The following CCNB1IP1 variants were observed in gnomAD, a reference collection of about 807,000 sequenced individuals.
The protein encoded by CCNB1IP1 is cyclin B1 interacting protein 1.
CCNB1IP1 carries 14 observed loss-of-function variants against 25.6 expected under a neutral mutation model. The observed-to-expected ratio is 0.55, with a 90% CI of 0.36 to 0.85. The LOEUF (loss-of-function observed/expected upper bound fraction) is 0.85. Ranked by LOEUF, CCNB1IP1 falls within the 40% of genes least tolerant of loss-of-function variation. The probability of loss-of-function intolerance (pLI) is 0.01; values close to 1 mark genes in which losing one functional copy is unlikely to be tolerated. For synonymous variants in CCNB1IP1, 119 were observed against 116.1 expected, an observed-to-expected ratio of 1.02 and a Z score of -0.16; for missense variants, 278 against 342.4, an observed-to-expected ratio of 0.81 and a Z score of 1.48.
At chr14:20,315,961 GAA>G (rs1882678279) in intron 5 of CCNB1IP1, 1 of 461,428 alleles carries the variant, frequency 2.2e-6, no homozygotes, top group South Asian at 2.3e-5. Flanking sequence ...CTTTTATACA[GAA>G]GAGAGAGAGA....
chr14:20,319,666 A>T (rs1882830478), intron 4 of CCNB1IP1, among the ~76,000 whole-genome samples: 1 of 152,206 alleles, frequency 6.6e-6, no homozygotes, highest in Admixed American at 6.5e-5. Context: ...TCTAATAGAC[A>T]TTGATTGCGG....
At position 20,313,552 on chromosome 14, in the gene CCNB1IP1, G is replaced by A; in HGVS notation, c.547C>T (p.Leu183=). 2.5e-6 allele frequency: 4 copies of A among 1,614,206 alleles called. No individual in the cohort carries two copies. The highest frequency in any genetic ancestry group is 2.5e-6 in the Non-Finnish European group (3 of 1,180,024). ...TGGTTAGCAATAGTGATGTTTCGTA[G>A]CCTAAGGCTATCATAGAGGCCTTGG... ...KLQGLYDSLR[L]RNITIANHEG... Residue 183 remains leucine, a synonymous_variant, in exon 6 of 7, where the codon CTA becomes TTA. Transcript: ENST00000358932.
chr14:20,322,481 T>G (rs1346417901), intron 4 of CCNB1IP1, among the ~76,000 whole-genome samples: 1 of 152,120 alleles, frequency 6.6e-6, no homozygotes, highest in African/African-American at 2.4e-5. Context: ...ATGAAAATAT[T>G]ATTTTATTCT....
intron 1 of CCNB1IP1, among the ~76,000 whole-genome samples, chr14:20,329,621 G>A (rs1263868590): frequency 6.6e-6 from 1 of 152,072 alleles, no homozygotes; most frequent in Non-Finnish European, 1.5e-5. Flanking sequence ...CCGTATCTTG[G>A]CTTTTGTGAA....
At chr14:20,329,993 G>T (rs957340339) in intron 1 of CCNB1IP1, among the ~76,000 whole-genome samples, 9 of 151,838 alleles carry the variant, frequency 5.9e-5, no homozygotes, top group African/African-American at 1.9e-4. Context: ...ACTGTAGCTG[G>T]CATGGAGTTA....
chr14:20,314,645 A>G (rs938636762), intron 5 of CCNB1IP1: 4 of 152,208 alleles, frequency 2.6e-5, no homozygotes, highest in African/African-American at 9.7e-5. Context: ...GCTCTGTGAA[A>G]GACCCTGTAA....
chr14:20,317,088 G>A (rs1882725381), intron 4 of CCNB1IP1, among the ~76,000 whole-genome samples: 1 of 151,724 alleles, frequency 6.6e-6, no homozygotes, highest in Non-Finnish European at 1.5e-5. Context: ...CAGCCTGGGG[G>A]ACAGAGCAAG....
chr14:20,313,543 TGTTTC>T lies in CCNB1IP1; in HGVS notation c.551_555del (p.Arg184HisfsTer5). 6.2e-7 allele frequency: 1 copy of T among 1,614,184 alleles called. No homozygotes were observed. Among genetic ancestry groups the T allele is most frequent in the East Asian group, 2.2e-5 (1 of 44,878 alleles). On this transcript the variant is annotated frameshift_variant, in exon 6 of 7. Coordinates refer to ENST00000358932, the MANE Select transcript of CCNB1IP1 (RefSeq NM_021178.5). LOFTEE classifies it high-confidence loss of function. ...GTGCCTTCATGGTTAGCAATAGTGATGTTTCGTAGCCTAAGGCTATCATAGAGGCC... is the reference window on the plus strand; with the variant it reads ...GTGCCTTCATGGTTAGCAATAGTGATGTAGCCTAAGGCTATCATAGAGGCC...
At chr14:20,316,099 CAATTT>C (rs755627681) in intron 5 of CCNB1IP1, 123 bp downstream of exon 5, 20 of 832,706 alleles carry the variant, frequency 2.4e-5, no homozygotes, top group Non-Finnish European at 3.4e-5. Flanking sequence ...CTTTTGAAAA[CAATTT>C]AATAAAAAGA....
intron 4 of CCNB1IP1, 97 bp downstream of exon 4, chr14:20,325,442 T>A (rs1007110632): frequency 4.4e-5 from 6 of 136,174 alleles, no homozygotes; most frequent in African/African-American, 1.1e-4. Context: ...AAAAGTGAAA[T>A]TTATAGCACC....
At chr14:20,320,975 T>TA (rs1882876287) in intron 4 of CCNB1IP1, among the ~76,000 whole-genome samples, 1 of 149,268 alleles carries the variant, frequency 6.7e-6, no homozygotes, top group African/African-American at 2.5e-5. Context: ...CCATCTCTAC[T>TA]AAAAATACAA....
At chr14:20,314,881 G>A (rs1314675470) in intron 5 of CCNB1IP1, among the ~76,000 whole-genome samples, 2 of 151,510 alleles carry the variant, frequency 1.3e-5, no homozygotes, top group Non-Finnish European at 2.9e-5. Context: ...CATGAGGTCA[G>A]GAGATCGAGA....
chr14:20,319,026 G>GT (rs1566401635), intron 4 of CCNB1IP1: 1 of 152,214 alleles, frequency 6.6e-6, no homozygotes, highest in African/African-American at 2.4e-5. Context: ...GCCTCCCAAC[G>GT]TGCCGGGATT....
chr14:20,315,136 CAAAAA>C (rs1159450735), intron 5 of CCNB1IP1, among the ~76,000 whole-genome samples: 16 of 9,066 alleles, frequency 1.8e-3, no homozygotes, highest in Admixed American at 7.9e-3. Context: ...TACACCTCAC[CAAAAA>C]AAAAAAAAAA....
chr14:20,315,511 T>C (rs1311232146), intron 5 of CCNB1IP1: 2 of 1,151,210 alleles, frequency 1.7e-6, no homozygotes, highest in African/African-American at 3.3e-5. Context: ...AAAAGTTACT[T>C]GACAGATGAC....
At chr14:20,318,376 G>A (rs1420961248) in intron 4 of CCNB1IP1, 1 of 152,056 alleles carries the variant, frequency 6.6e-6, no homozygotes, top group Non-Finnish European at 1.5e-5. Flanking sequence ...GGGAGGCTGA[G>A]GCAGGAGAAT....
chr14:20,325,143 C>T (rs1017130167), intron 4 of CCNB1IP1, among the ~76,000 whole-genome samples: 2 of 146,928 alleles, frequency 1.4e-5, no homozygotes, highest in Non-Finnish European at 3.0e-5. Context: ...GAAATTTAGC[C>T]GGGCGCGGTG....
rs776703186 is a variant in CCNB1IP1, at chr14:20,311,530, T to G, written c.*20A>C. On this transcript the variant is annotated 3_prime_UTR_variant, in exon 7 of 7. Transcript: ENST00000358932. Reference sequence around the variant, plus strand: ...CCTCCTAAGTAGCTGGGATCACAGGTGCGTGACACTATGCGTGGCTCAAAT... The same window carrying G: ...CCTCCTAAGTAGCTGGGATCACAGGGGCGTGACACTATGCGTGGCTCAAAT... 5 of 1,604,970 alleles carry G rather than the reference T, an allele frequency of 3.1e-6. No individual in the cohort carries two copies. Among genetic ancestry groups the G allele is most frequent in the Non-Finnish European group, 4.3e-6 (5 of 1,173,500 alleles).
chr14:20,315,946 T>A, intron 5 of CCNB1IP1: 1 of 451,578 alleles, frequency 2.2e-6, no homozygotes, highest in Non-Finnish European at 4.0e-6. Context: ...GTGTGTGTTA[T>A]CTTACTTTTA....
Sources: gnomAD v4.1 joint callset for allele counts (sites outside exome capture counted in the v4.1 genomes callset) on GRCh38, gnomAD v4.1.1 for gene constraint, MANE v1.5 for transcripts, NCBI Gene and HGNC (gene_info 2026-07-23, HGNC 2026-07-21) for gene names.